Variants in STK32B observed in about 807,000 individuals in gnomAD.
The protein encoded by STK32B is serine/threonine-protein kinase 32B.
Under a neutral mutation model 52.6 loss-of-function variants are expected in STK32B, and 43 were observed. The ratio of observed to expected loss-of-function variants is 0.82; its 90% CI spans 0.64 to 1.05. STK32B has a LOEUF of 1.05. Among genes scored for constraint, STK32B ranks in the 50% least tolerant of loss-of-function variants. The pLI is 0.00. For missense variants in STK32B, 621 were observed against 534.6 expected (o/e 1.16, Z -1.59); for synonymous variants, 238 against 204.3 (o/e 1.17, Z -1.41).
chr4:5,459,508 A>G (rs916755195), intron 8 of STK32B, among the ~76,000 whole-genome samples: 4 of 152,192 alleles, frequency 2.6e-5, no homozygotes, highest in Non-Finnish European at 4.4e-5. Flanking sequence ...TTTTCAGTAG[A>G]TAAGCTACAG....
the STK32B span, among the ~76,000 whole-genome samples, chr4:5,046,050 G>A: frequency 2.0e-5 from 3 of 152,056 alleles, no homozygotes; most frequent in Non-Finnish European, 4.4e-5. Flanking sequence ...GACCCTGTAT[G>A]GCCAAGACAG....
intron 11 of STK32B, among the ~76,000 whole-genome samples, chr4:5,496,976 A>C (rs1720318041): frequency 6.6e-6 from 1 of 152,194 alleles, no homozygotes; most frequent in Non-Finnish European, 1.5e-5. Context: ...GAGGATGGGG[A>C]GAGCTCTGGA....
intron 11 of STK32B, among the ~76,000 whole-genome samples, chr4:5,486,292 G>A (rs904707163): frequency 5.3e-5 from 8 of 152,140 alleles, no homozygotes; most frequent in African/African-American, 9.7e-5. Flanking sequence ...AATGGCGGGC[G>A]CCCCACCCCC....
intron 1 of STK32B, among the ~76,000 whole-genome samples, chr4:5,131,865 TCC>T (rs1255328822): frequency 6.6e-6 from 1 of 152,224 alleles, no homozygotes; most frequent in Non-Finnish European, 1.5e-5. Context: ...GAATAACTGC[TCC>T]TCAAATATAA....
chr4:5,131,496 G>A (rs1715771365), intron 1 of STK32B, among the ~76,000 whole-genome samples: 1 of 152,118 alleles, frequency 6.6e-6, no homozygotes, highest in Non-Finnish European at 1.5e-5. Flanking sequence ...CATCATGTTT[G>A]AAAAACTTCC....
chr4:5,244,352 G>C (rs963878811), intron 3 of STK32B, among the ~76,000 whole-genome samples: 8 of 152,162 alleles, frequency 5.3e-5, no homozygotes, highest in African/African-American at 1.4e-4. Flanking sequence ...AGATTTTCTA[G>C]TTTATTTGTG....
At chr4:5,065,898 A>G (rs1742401719) in intron 1 of STK32B, among the ~76,000 whole-genome samples, 1 of 151,934 alleles carries the variant, frequency 6.6e-6, no homozygotes, top group Non-Finnish European at 1.5e-5. Context: ...TAATTCTTGT[A>G]TTTTTAGTAG....
In STK32B at chr4:5,193,649, C is replaced by T. The variant is rs541852730; in HGVS notation, c.260+25199C>T. Among the ~76,000 whole-genome samples, 216 of 152,356 alleles carry T rather than the reference C, an allele frequency of 1.4e-3. 1 individual carries two copies. The highest frequency in any genetic ancestry group is 2.4e-3 in the Non-Finnish European group (163 of 68,028). On this transcript the variant is annotated intron_variant, in intron 3 of 11. Coordinates refer to ENST00000282908, the MANE Select transcript of STK32B (RefSeq NM_018401.3). The stretch of plus-strand genomic sequence containing the variant: ...TGGCCCCTGCTCTTGCAGAACAGCC[C>T]ATAGCCTCAGAGGCTTCTTCACAAG...
intron 7 of STK32B, among the ~76,000 whole-genome samples, chr4:5,451,386 A>G (rs16837257): frequency 0.092 from 14,031 of 152,250 alleles, 1,057 homozygotes; most frequent in East Asian, 0.4. Context: ...GGGACAGTCT[A>G]TAAAGGACCT....
intron 4 of STK32B, among the ~76,000 whole-genome samples, chr4:5,356,391 C>G (rs934838920): frequency 2.0e-5 from 3 of 152,140 alleles, no homozygotes; most frequent in African/African-American, 7.2e-5. Flanking sequence ...ACGCTATGTC[C>G]AAATAAGGTC....
chr4:5,334,281 C>G (rs1333962835), intron 4 of STK32B, among the ~76,000 whole-genome samples: 1 of 151,902 alleles, frequency 6.6e-6, no homozygotes, highest in East Asian at 1.9e-4. Context: ...CTCTGTTTGT[C>G]TGTTATTGGT....
At chr4:5,391,529 A>G (rs16837093) in intron 4 of STK32B, among the ~76,000 whole-genome samples, 5,936 of 152,310 alleles carry the variant, frequency 0.039, 192 homozygotes, top group East Asian at 0.084. Flanking sequence ...ACTGAGCTGT[A>G]TCCTGAAACC....
At chr4:5,443,362 C>T (rs1300005331) in intron 6 of STK32B, among the ~76,000 whole-genome samples, 2 of 151,978 alleles carry the variant, frequency 1.3e-5, no homozygotes, top group South Asian at 4.2e-4. Context: ...ATTTCATCTT[C>T]CATTGCTGAT....
At chr4:5,267,594 A>G (rs749525714) in intron 3 of STK32B, among the ~76,000 whole-genome samples, 8 of 152,226 alleles carry the variant, frequency 5.3e-5, no homozygotes, top group Admixed American at 1.3e-4. Context: ...TCGCGCAGCA[A>G]GTCTGGCACA....
intron 4 of STK32B, among the ~76,000 whole-genome samples, chr4:5,388,356 C>A (rs937123916): frequency 3.3e-5 from 5 of 152,162 alleles, no homozygotes; most frequent in African/African-American, 1.2e-4. Flanking sequence ...ACTTCTATAT[C>A]CTAGGAACTG....
chr4:5,225,923 T>C (rs193295176), intron 3 of STK32B, among the ~76,000 whole-genome samples: 5 of 152,298 alleles, frequency 3.3e-5, no homozygotes, highest in African/African-American at 1.2e-4. Context: ...CCAAAAAGCT[T>C]TGGGTTCCTG....
intron 1 of STK32B, among the ~76,000 whole-genome samples, chr4:5,124,753 T>A (rs1346852227): frequency 6.6e-6 from 1 of 152,162 alleles, no homozygotes; most frequent in African/African-American, 2.4e-5. Context: ...AGCATGCATA[T>A]AGATGCACGT....
At chr4:5,168,152 G>T in intron 2 of STK32B, 147 bp from the exon 3 acceptor site, 1 of 997,572 alleles carries the variant, frequency 1.0e-6, no homozygotes, top group Non-Finnish European at 1.4e-6. Context: ...GAGAGGTTGT[G>T]CCTAACTTAG....
rs189813411 is a variant in STK32B, at chr4:5,237,408, G to T, written c.260+68958G>T. On this transcript the variant is annotated intron_variant, in intron 3 of 11. Coordinates refer to ENST00000282908, the MANE Select transcript of STK32B (RefSeq NM_018401.3). Reference sequence around the variant, plus strand: ...TACAGATGTTCATTATTACTGTCATGCTTCCATCTCATTTATTGTTGTGAA... The same window carrying T: ...TACAGATGTTCATTATTACTGTCATTCTTCCATCTCATTTATTGTTGTGAA... Among the ~76,000 whole-genome samples the T allele has an allele frequency of 4.2e-3, 638 of 152,304 alleles. 5 individuals are homozygous for T. Among genetic ancestry groups the T allele is most frequent in the African/African-American group, 0.015 (605 of 41,566 alleles).
Sources: allele counts gnomAD v4.1 joint callset (sites outside exome capture counted in the v4.1 genomes callset), GRCh38; gene constraint gnomAD v4.1.1; transcripts MANE v1.5; gene names NCBI Gene and HGNC (gene_info 2026-07-23, HGNC 2026-07-21).